Variants in MYO18B observed in about 807,000 individuals in gnomAD.
MYO18B encodes the protein unconventional myosin-XVIIIb.
Under a neutral mutation model 273.0 loss-of-function variants are expected in MYO18B, and 204 were observed. The observed-to-expected ratio is 0.75, with a 90% CI of 0.67 to 0.84. The LOEUF (loss-of-function observed/expected upper bound fraction) is 0.84. MYO18B is among the 40% of genes least tolerant of loss of function. The pLI is 0.00. For missense variants in MYO18B, 3,212 were observed against 3,287.6 expected (o/e 0.98, Z 0.56); for synonymous variants, 1,330 against 1,305.7 (o/e 1.02, Z -0.40).
chr22:25,775,040 T>C (rs1229731670), intron 7 of MYO18B, among the ~76,000 whole-genome samples: 2 of 152,248 alleles, frequency 1.3e-5, no homozygotes, highest in East Asian at 1.9e-4. Context: ...GGAACCTGGA[T>C]GTGCAGAATT....
chr22:25,920,463 G>A (rs1312534803), intron 33 of MYO18B, among the ~76,000 whole-genome samples: 1 of 152,184 alleles, frequency 6.6e-6, no homozygotes, highest in African/African-American at 2.4e-5. Context: ...CTGTCAAGGA[G>A]TCTAAGGTCA....
intron 31 of MYO18B, 60 bp from the exon 32 acceptor site, chr22:25,908,262 T>C (rs1246618514): frequency 3.8e-6 from 5 of 1,318,474 alleles, no homozygotes; most frequent in South Asian, 2.5e-5. Context: ...AAGGATGACA[T>C]GGAGGGCTTG....
intron 33 of MYO18B, among the ~76,000 whole-genome samples, chr22:25,914,218 C>T (rs1378704129): frequency 2.6e-5 from 4 of 152,058 alleles, no homozygotes; most frequent in African/African-American, 9.7e-5. Flanking sequence ...CTTACCTTGA[C>T]TGTTTTTAAA....
At chr22:25,842,278 C>G (rs2090105224) in intron 17 of MYO18B, among the ~76,000 whole-genome samples, 3 of 152,194 alleles carry the variant, frequency 2.0e-5, no homozygotes, top group South Asian at 4.1e-4. Context: ...ACTCAGGACC[C>G]TAGTGCATGC....
intron 17 of MYO18B, among the ~76,000 whole-genome samples, chr22:25,837,330 A>G (rs1488418792): frequency 2.6e-5 from 4 of 152,150 alleles, no homozygotes; most frequent in Non-Finnish European, 5.9e-5. Context: ...AAACCAGCAC[A>G]GGAGACTGAG....
chr22:25,811,303 A>G (rs1388385094), intron 12 of MYO18B, among the ~76,000 whole-genome samples: 1 of 152,004 alleles, frequency 6.6e-6, no homozygotes, highest in South Asian at 2.1e-4. Context: ...GATTACAGGC[A>G]TGAGCCACCG....
chr22:25,764,042 C>G (rs1184268824), intron 3 of MYO18B, among the ~76,000 whole-genome samples: 1 of 152,172 alleles, frequency 6.6e-6, no homozygotes, highest in African/African-American at 2.4e-5. Flanking sequence ...ACCCAGGTCC[C>G]TCTCCTGAGT....
chr22:25,857,495 C>G (rs2090608201), intron 21 of MYO18B, among the ~76,000 whole-genome samples: 1 of 152,066 alleles, frequency 6.6e-6, no homozygotes, highest in African/African-American at 2.4e-5. Flanking sequence ...GAGTCTTTAT[C>G]TGCTGGGAAG....
chr22:25,864,065 T>G (rs528809096), intron 21 of MYO18B, among the ~76,000 whole-genome samples: 1 of 152,206 alleles, frequency 6.6e-6, no homozygotes, highest in South Asian at 2.1e-4. Flanking sequence ...CAGGTGTGGG[T>G]TTTTTCCATG....
the MYO18B span, among the ~76,000 whole-genome samples, chr22:26,057,394 A>C: frequency 6.6e-6 from 1 of 152,176 alleles, no homozygotes; most frequent in Non-Finnish European, 1.5e-5. Context: ...TACAATGCTT[A>C]TCTTACTTAA....
intron 20 of MYO18B, 102 bp from the exon 21 acceptor site, chr22:25,851,368 A>G (rs987106969): frequency 1.1e-5 from 8 of 737,852 alleles, no homozygotes; most frequent in Middle Eastern, 2.9e-4. Context: ...TAGCCAGGCT[A>G]GGAAGCAGGA....
At chr22:25,843,278 G>A (rs1033023614) in intron 17 of MYO18B, among the ~76,000 whole-genome samples, 1 of 151,908 alleles carries the variant, frequency 6.6e-6, no homozygotes, top group African/African-American at 2.4e-5. Context: ...GATTTTACGC[G>A]GCATAAAACT....
At chr22:25,871,977 GA>G (rs1168718512) in intron 22 of MYO18B, among the ~76,000 whole-genome samples, 1 of 114,860 alleles carries the variant, frequency 8.7e-6, no homozygotes, top group Non-Finnish European at 2.1e-5. Flanking sequence ...TTTGATCATT[GA>G]TTTTTTTTTT....
chr22:25,957,316 T>TG (rs778045306), intron 39 of MYO18B, among the ~76,000 whole-genome samples: 10 of 152,226 alleles, frequency 6.6e-5, no homozygotes, highest in Non-Finnish European at 1.2e-4. Context: ...TCCCCATTCC[T>TG]GGGGCCATAT....
intron 12 of MYO18B, among the ~76,000 whole-genome samples, chr22:25,807,167 A>G (rs1432160222): frequency 1.3e-5 from 2 of 152,190 alleles, no homozygotes; most frequent in Admixed American, 1.3e-4. Flanking sequence ...AAGTCATAAA[A>G]TGAAACTTCT....
chr22:25,854,207 T>C (rs1278741093), intron 21 of MYO18B, among the ~76,000 whole-genome samples: 1 of 152,196 alleles, frequency 6.6e-6, no homozygotes, highest in African/African-American at 2.4e-5. Flanking sequence ...TGTTTCCCAA[T>C]GAAGTACTCT....
At chr22:25,809,529 G>A (rs1019916111) in intron 12 of MYO18B, among the ~76,000 whole-genome samples, 1 of 152,088 alleles carries the variant, frequency 6.6e-6, no homozygotes, top group Non-Finnish European at 1.5e-5. Context: ...AATATACGAC[G>A]CAGTCAGAAC....
intron 39 of MYO18B, among the ~76,000 whole-genome samples, chr22:25,955,680 A>C (rs1601680958): frequency 1.3e-5 from 2 of 152,298 alleles, no homozygotes; most frequent in South Asian, 4.1e-4. Context: ...GGAAGGCCTC[A>C]TACAAAAGAG....
chr22:25,942,716 A>G (rs999839639), intron 34 of MYO18B, among the ~76,000 whole-genome samples: 7 of 152,148 alleles, frequency 4.6e-5, no homozygotes, highest in Non-Finnish European at 1.0e-4. Flanking sequence ...AAGGCAGAGA[A>G]AGCACAGTGC....
Sources: allele counts gnomAD v4.1 joint callset (sites outside exome capture counted in the v4.1 genomes callset), GRCh38; gene constraint gnomAD v4.1.1; transcripts MANE v1.5; gene names NCBI Gene and HGNC (gene_info 2026-07-23, HGNC 2026-07-21).